Variants in SYN3 observed in about 807,000 individuals in gnomAD.
SYN3 encodes the protein synapsin III.
SYN3 carries 35 observed loss-of-function variants against 65.8 expected under a neutral mutation model. That is an observed-to-expected ratio of 0.53 (90% CI 0.41 to 0.70). The LOEUF (loss-of-function observed/expected upper bound fraction) is 0.70. SYN3 is among the 30% of genes least tolerant of loss of function. The pLI, the probability that SYN3 is intolerant of heterozygous loss-of-function variation, is 0.00. For synonymous variants in SYN3, 270 were observed against 292.9 expected, an observed-to-expected ratio of 0.92 and a Z score of 0.80; for missense variants, 680 against 749.0, an observed-to-expected ratio of 0.91 and a Z score of 1.08.
chr22:32,765,664 T>A (rs901347613), intron 6 of SYN3, among the ~76,000 whole-genome samples: 6 of 152,034 alleles, frequency 3.9e-5, no homozygotes, highest in African/African-American at 1.4e-4. Context: ...AGTTTGGGCA[T>A]GGCTGGCAGG....
chr22:32,527,746 C>T lies in SYN3; in HGVS notation c.1318+172G>A, dbSNP rs79500753. ...AAATTAACCTTCTATTTCCCTTCTCCTTTCTTGACTTTTTAAAGAGTTTGA... is the reference window on the plus strand; with the variant it reads ...AAATTAACCTTCTATTTCCCTTCTCTTTTCTTGACTTTTTAAAGAGTTTGA... On this transcript the variant is annotated intron_variant, in intron 12 of 13. Transcript: ENST00000358763. 2,966 of 577,072 alleles carry T rather than the reference C, an allele frequency of 5.1e-3. 72 individuals carry two copies. The African/African-American group carries it at 0.052, about 10-fold the overall frequency. The allele number at this position is 577,072 out of a possible 1,614,324, so 35.7% of individuals were successfully genotyped here.
intron 1 of SYN3, among the ~76,000 whole-genome samples, chr22:33,054,171 A>AT (rs2054218041): frequency 6.6e-6 from 1 of 152,144 alleles, no homozygotes; most frequent in African/African-American, 2.4e-5. Flanking sequence ...GAACTCATCC[A>AT]TTTTATTGGC....
intron 6 of SYN3, among the ~76,000 whole-genome samples, chr22:32,620,344 C>T (rs148182761): frequency 6.6e-6 from 1 of 152,192 alleles, no homozygotes; most frequent in African/African-American, 2.4e-5. Context: ...ATATGAATCA[C>T]GAAAGGCATA....
intron 6 of SYN3, among the ~76,000 whole-genome samples, chr22:32,670,719 T>C (rs1411830205): frequency 6.6e-6 from 1 of 152,262 alleles, no homozygotes; most frequent in Non-Finnish European, 1.5e-5. Flanking sequence ...TAGAGACCTA[T>C]CAGTCATTGC....
chr22:32,661,107 T>A (rs1175673327), intron 6 of SYN3, among the ~76,000 whole-genome samples: 1 of 152,174 alleles, frequency 6.6e-6, no homozygotes, highest in Admixed American at 6.5e-5. Flanking sequence ...AGAGAAAACT[T>A]TGGCCTTTAA....
At chr22:32,708,722 C>T (rs2060913589) in intron 6 of SYN3, among the ~76,000 whole-genome samples, 1 of 152,232 alleles carries the variant, frequency 6.6e-6, no homozygotes, top group African/African-American at 2.4e-5. Flanking sequence ...CTCACCTTCA[C>T]ACCTTCTTCC....
At chr22:32,781,965 T>A (rs1452912029) in intron 6 of SYN3, among the ~76,000 whole-genome samples, 2 of 152,196 alleles carry the variant, frequency 1.3e-5, no homozygotes, top group Non-Finnish European at 2.9e-5. Context: ...CTTCCATGTG[T>A]TCTCCTCTTT....
chr22:32,769,525 T>C (rs918813666), intron 6 of SYN3, among the ~76,000 whole-genome samples: 2 of 151,854 alleles, frequency 1.3e-5, no homozygotes, highest in African/African-American at 4.8e-5. Flanking sequence ...TTTGTTTTTT[T>C]TTTTTTTGGA....
chr22:32,803,199 C>T (rs1411761411), intron 6 of SYN3, among the ~76,000 whole-genome samples: 1 of 151,884 alleles, frequency 6.6e-6, no homozygotes, highest in Non-Finnish European at 1.5e-5. Context: ...GTGGGACAGC[C>T]TTGCCGCCCT....
At chr22:32,589,946 G>T (rs2059104988) in intron 7 of SYN3, among the ~76,000 whole-genome samples, 1 of 151,992 alleles carries the variant, frequency 6.6e-6, no homozygotes. Flanking sequence ...TTTTTGTTCT[G>T]GGTATCATCT....
chr22:32,918,905 G>A (rs1285182675), intron 4 of SYN3, among the ~76,000 whole-genome samples: 3 of 152,218 alleles, frequency 2.0e-5, no homozygotes, highest in Admixed American at 6.5e-5. Flanking sequence ...AGGCAGAGCC[G>A]GGATCCAGCC....
intron 6 of SYN3, among the ~76,000 whole-genome samples, chr22:32,780,146 T>C (rs2046004329): frequency 6.6e-6 from 1 of 151,628 alleles, no homozygotes; most frequent in African/African-American, 2.4e-5. Context: ...CCTTCTGCCC[T>C]GATCTCTGCT....
At chr22:32,889,589 T>C (rs183776313) in intron 4 of SYN3, among the ~76,000 whole-genome samples, 1 of 152,312 alleles carries the variant, frequency 6.6e-6, no homozygotes, top group East Asian at 1.9e-4. Flanking sequence ...TTCCCTCTCA[T>C]ATTTTCAGTA....
chr22:32,671,729 A>G (rs1200480646), intron 6 of SYN3, among the ~76,000 whole-genome samples: 3 of 149,802 alleles, frequency 2.0e-5, no homozygotes, highest in Non-Finnish European at 4.4e-5. Context: ...TCTCACAGGT[A>G]CACACACATG....
intron 3 of SYN3, among the ~76,000 whole-genome samples, chr22:32,946,084 A>C (rs574881620): frequency 3.3e-5 from 5 of 152,244 alleles, no homozygotes; most frequent in Non-Finnish European, 7.3e-5. Flanking sequence ...ACACTTTTAC[A>C]TTGTTGGTGG....
chr22:32,900,968 G>A (rs1012583369), intron 4 of SYN3, among the ~76,000 whole-genome samples: 1 of 152,214 alleles, frequency 6.6e-6, no homozygotes, highest in African/African-American at 2.4e-5. Flanking sequence ...GCATCCAATA[G>A]ATGTATCTAG....
At chr22:32,780,936 T>C (rs868771395) in intron 6 of SYN3, among the ~76,000 whole-genome samples, 8 of 57,442 alleles carry the variant, frequency 1.4e-4, no homozygotes, top group Admixed American at 1.7e-4. Context: ...TTCCTTCCTT[T>C]CCTTCCTTCC....
At chr22:32,513,900 G>A in intron 13 of SYN3, 76 bp from the exon 14 acceptor site, 3 of 1,580,390 alleles carry the variant, frequency 1.9e-6, no homozygotes, top group Admixed American at 1.7e-5. Context: ...GGGCTTGCCT[G>A]TAAGCCAGAT....
At chr22:32,601,588 T>C (rs943545886) in intron 6 of SYN3, among the ~76,000 whole-genome samples, 3 of 152,236 alleles carry the variant, frequency 2.0e-5, no homozygotes, top group Admixed American at 6.5e-5. Context: ...CCTTTGCCAT[T>C]TTTTACTTTG....
Sources: allele counts gnomAD v4.1 joint callset (sites outside exome capture counted in the v4.1 genomes callset), GRCh38; gene constraint gnomAD v4.1.1; transcripts MANE v1.5; gene names NCBI Gene and HGNC (gene_info 2026-07-23, HGNC 2026-07-21).